SPAG17: variants seen among roughly 807,000 people sequenced by gnomAD.
The protein encoded by SPAG17 is sperm-associated antigen 17.
In SPAG17, 169 loss-of-function variants were observed where a neutral mutation model predicts 273.6. The ratio of observed to expected loss-of-function variants is 0.62; its 90% confidence interval spans 0.55 to 0.70. The LOEUF (loss-of-function observed/expected upper bound fraction) is 0.70, where lower values mean the gene tolerates loss of function less well. Among genes scored for constraint, SPAG17 ranks in the 30% least tolerant of loss-of-function variants. SPAG17 has a pLI of 0.00. For missense variants in SPAG17, 2,557 were observed against 2,627.8 expected (o/e 0.97, Z 0.59); for synonymous variants, 825 against 873.2 (o/e 0.94, Z 0.97).
intron 18 of SPAG17, among the ~76,000 whole-genome samples, chr1:118,062,815 C>T (rs926226760): frequency 6.6e-6 from 1 of 152,062 alleles, no homozygotes; most frequent in African/African-American, 2.4e-5. Flanking sequence ...TCATACAAAC[C>T]TTGAGCATTT....
intron 28 of SPAG17, among the ~76,000 whole-genome samples, chr1:118,020,794 G>A (rs1052611858): frequency 6.6e-6 from 1 of 152,054 alleles, no homozygotes; most frequent in African/African-American, 2.4e-5. Context: ...TTTTACAGTC[G>A]GTGAAGTAGT....
Position 117,970,059 on chromosome 1 carries a change from T to G in SPAG17, c.6384A>C (p.Gly2128=), listed in dbSNP as rs200208432. ...STGLKVTYKP[G]PVAAGMQTEL... ...ACAGATGACATATAGGACTTACAGGTCCAGGTTTGTAAGTCACTTTCAGTC... is the reference window on the plus strand; with the variant it reads ...ACAGATGACATATAGGACTTACAGGGCCAGGTTTGTAAGTCACTTTCAGTC... The change falls in exon 46 of 49, where the codon GGA becomes GGC. Residue 2128 remains glycine (G), a synonymous_variant. Coordinates refer to ENST00000336338, the MANE Select transcript of SPAG17 (RefSeq NM_206996.4). 1 of 1,613,624 alleles carries G rather than the reference T, an allele frequency of 6.2e-7. No homozygotes were observed. Among genetic ancestry groups the G allele is most frequent in the East Asian group, 2.2e-5 (1 of 44,870 alleles).
intron 20 of SPAG17, among the ~76,000 whole-genome samples, chr1:118,046,904 G>T (rs865846745): frequency 6.6e-6 from 1 of 152,034 alleles, no homozygotes; most frequent in Admixed American, 6.6e-5. Context: ...GAAAAGAAAG[G>T]ATCATAGAGA....
At chr1:117,996,150 G>A (rs544525027) in intron 34 of SPAG17, among the ~76,000 whole-genome samples, 22 of 152,174 alleles carry the variant, frequency 1.4e-4, no homozygotes, top group African/African-American at 5.3e-4. Context: ...ATGCAGACTG[G>A]TGCTCAGATG....
intron 1 of SPAG17, among the ~76,000 whole-genome samples, chr1:118,154,581 C>T (rs1294754710): frequency 6.6e-6 from 1 of 152,072 alleles, no homozygotes; most frequent in Non-Finnish European, 1.5e-5. Flanking sequence ...TTCCAAACTT[C>T]CACCAACTGG....
At chr1:118,068,734 C>G (rs1423821634) in intron 17 of SPAG17, among the ~76,000 whole-genome samples, 1 of 151,948 alleles carries the variant, frequency 6.6e-6, no homozygotes, top group African/African-American at 2.4e-5. Flanking sequence ...ACTAGGAAAA[C>G]AAAAATAAAC....
intron 15 of SPAG17, 23 bp downstream of exon 15, chr1:118,081,058 TACACACACACACACACACAC>T: frequency 5.8e-6 from 7 of 1,213,162 alleles, no homozygotes; most frequent in Non-Finnish European, 8.5e-6. Flanking sequence ...AATAGTGTCT[TACACACACACACACACACAC>T]ACACACACAC....
At chr1:118,116,763 C>A (rs568189581) in intron 3 of SPAG17, among the ~76,000 whole-genome samples, 1 of 152,322 alleles carries the variant, frequency 6.6e-6, no homozygotes, top group Non-Finnish European at 1.5e-5. Flanking sequence ...TTTAAAGCTG[C>A]CTTTTCTAAA....
chr1:118,120,283 T>TAA (rs5777335), intron 3 of SPAG17, among the ~76,000 whole-genome samples: 43 of 150,724 alleles, frequency 2.9e-4, no homozygotes, highest in East Asian at 1.7e-3. Context: ...CTAGTGAGAT[T>TAA]AAAAAAAAAC....
chr1:118,066,534 C>T (rs1225974880), intron 18 of SPAG17, among the ~76,000 whole-genome samples: 1 of 152,156 alleles, frequency 6.6e-6, no homozygotes, highest in Non-Finnish European at 1.5e-5. Context: ...CACCTGTTTT[C>T]TTTAGTGGTA....
rs1009698599 is a variant in SPAG17 at position 118,091,700 on chromosome 1, G to T, written c.1265C>A (p.Thr422Asn). 2 of 1,607,544 alleles carry T rather than the reference G, an allele frequency of 1.2e-6. No homozygotes were observed. Among genetic ancestry groups the T allele is most frequent in the African/African-American group, 1.3e-5 (1 of 74,896 alleles). Residue 422 changes from threonine to asparagine, a missense_variant, in exon 10 of 49, where the codon ACT becomes AAT. Thr to Asn is a moderately conservative substitution (Grantham distance 65). Transcript: ENST00000336338. Reference protein sequence around the residue: ...APPPVTSVITTEVDMRYYNYL... With the variant: ...APPPVTSVITNEVDMRYYNYL... ...ATTGTAATATCTCATGTCTACTTCA[G>T]TTGTGATGACTGAAGTCACTGTAAA... is the stretch of plus-strand genomic sequence containing the variant.
intron 46 of SPAG17, among the ~76,000 whole-genome samples, chr1:117,969,695 C>T (rs1003252233): frequency 6.6e-6 from 1 of 151,986 alleles, no homozygotes; most frequent in Non-Finnish European, 1.5e-5. Context: ...ATATGAAGAA[C>T]GGAATAATTA....
In SPAG17 at chr1:118,086,942, G is replaced by A; in HGVS notation, c.1426C>T (p.Leu476=). The change falls in exon 11 of 49, where the codon CTA becomes TTA. Residue 476 remains leucine, a synonymous_variant. Transcript: ENST00000336338. ...LREPSPRADG[L]DHRIAAHIVS... ...ATGTGAGCTGCGATTCTGTGGTCTA[G>A]CCCGTCTGCTCTGGGGGATGGCTCC... 4 of 1,608,572 alleles carry A rather than the reference G, an allele frequency of 2.5e-6. No individual in the cohort carries two copies. In the East Asian group the frequency reaches 8.9e-5, roughly 36 times the overall value.
At chr1:118,170,423 T>A (rs1029348063) in intron 1 of SPAG17, among the ~76,000 whole-genome samples, 3 of 152,090 alleles carry the variant, frequency 2.0e-5, no homozygotes, top group African/African-American at 7.2e-5. Context: ...TAGGAAAGCT[T>A]GCTGCAAGAC....
chr1:117,954,756 G>A (rs1294970234), intron 48 of SPAG17: 2 of 989,912 alleles, frequency 2.0e-6, no homozygotes, highest in East Asian at 5.0e-5. Flanking sequence ...AGTCTCTTTT[G>A]AATCTTGGCA....
chr1:118,103,131 A>T (rs1192171565), intron 4 of SPAG17, among the ~76,000 whole-genome samples: 1 of 152,192 alleles, frequency 6.6e-6, no homozygotes, highest in African/African-American at 2.4e-5. Flanking sequence ...AAATGGTAAA[A>T]TTAACTCCTT....
At chr1:118,098,503 TTTA>T (rs1655857495) in intron 6 of SPAG17, among the ~76,000 whole-genome samples, 1 of 151,724 alleles carries the variant, frequency 6.6e-6, no homozygotes, top group Non-Finnish European at 1.5e-5. Context: ...TTTTTAATAT[TTTA>T]TTTTTATATA....
chr1:118,130,479 A>G (rs1657998596), intron 3 of SPAG17, among the ~76,000 whole-genome samples: 1 of 152,198 alleles, frequency 6.6e-6, no homozygotes, highest in South Asian at 2.1e-4. Context: ...CCAGGGATTG[A>G]ACTTTCAGTG....
Position 118,140,443 on chromosome 1 carries a change from C to A in SPAG17, c.315+10100G>T, listed in dbSNP as rs139971062. On this transcript the variant is annotated intron_variant, in intron 3 of 48. Transcript: ENST00000336338. ...CACATTGTATTCATAAATTATAACA[C>A]CACTTTTTACCCCATAAATGTATTC... Among the ~76,000 whole-genome samples, 980 of 152,112 alleles carry A rather than the reference C, an allele frequency of 6.4e-3. 7 individuals are homozygous for A. Among genetic ancestry groups the A allele is most frequent in the South Asian group, 0.026 (126 of 4,804 alleles).
Sources: gnomAD v4.1 joint callset for allele counts (sites outside exome capture counted in the v4.1 genomes callset) on GRCh38, gnomAD v4.1.1 for gene constraint, MANE v1.5 for transcripts, NCBI Gene and HGNC (gene_info 2026-07-23, HGNC 2026-07-21) for gene names.